Variants in MRC1 observed in about 807,000 individuals in gnomAD.
MRC1 encodes macrophage mannose receptor 1.
Under a neutral mutation model 102.9 loss-of-function variants are expected in MRC1, and 62 were observed. The ratio of observed to expected loss-of-function variants is 0.60; its 90% CI spans 0.49 to 0.74. The LOEUF (loss-of-function observed/expected upper bound fraction) is 0.74. Among genes scored for constraint, MRC1 ranks in the 30% least tolerant of loss-of-function variants. The pLI is 0.00. For missense variants in MRC1, 1,237 were observed against 862.8 expected (o/e 1.43, Z -5.43); for synonymous variants, 457 against 298.4 (o/e 1.53, Z -5.48).
chr10:17,878,659 C>T (rs1464352242), intron 18 of MRC1, among the ~76,000 whole-genome samples: 2 of 151,954 alleles, frequency 1.3e-5, no homozygotes, highest in Non-Finnish European at 2.9e-5. Flanking sequence ...AATTCAAGGT[C>T]ATTATTTTTA....
At chr10:17,826,113 T>A (rs1838470787) in intron 2 of MRC1, among the ~76,000 whole-genome samples, 1 of 152,210 alleles carries the variant, frequency 6.6e-6, no homozygotes, top group South Asian at 2.1e-4. Flanking sequence ...ATAACTCACA[T>A]TATTGTGCTC....
rs1833951482 is a variant in MRC1 at position 17,910,275 on chromosome 10, T to C, written c.4181T>C (p.Ile1394Thr). 3 of 780,778 alleles carry C rather than the reference T, an allele frequency of 3.8e-6. No homozygotes were observed. Among genetic ancestry groups the C allele is most frequent in the Admixed American group, 1.7e-5 (1 of 59,018 alleles). 48.4% of individuals were successfully genotyped at this position (780,778 alleles called of 1,614,324 possible). The change falls in exon 30 of 30, where the codon ATT becomes ACT. Residue 1394 changes from isoleucine to threonine, a missense_variant. By Grantham distance (89) the Ile-to-Thr change is moderately conservative. Transcript: ENST00000569591. ...PSSNVAGVVIIVILLILTGAG... is the reference protein window; with the variant it reads ...PSSNVAGVVITVILLILTGAG... Reference sequence around the variant, plus strand: ...TCCAACGTGGCCGGAGTAGTCATCATTGTGATCCTCCTGATTTTAACGGGT... The same window carrying C: ...TCCAACGTGGCCGGAGTAGTCATCACTGTGATCCTCCTGATTTTAACGGGT...
chr10:17,809,560 T>TG, intron 1 of MRC1, 34 bp downstream of exon 1: 1 of 871,988 alleles, frequency 1.1e-6, no homozygotes, highest in East Asian at 2.4e-5. Flanking sequence ...ATCTCTGACC[T>TG]GGGGGGCCGG....
rs1160018461 is a variant in MRC1 at position 17,813,682 on chromosome 10, T to TTATA, written c.61+4172_61+4175dup. 4.7e-3 allele frequency among the ~76,000 whole-genome samples: 580 copies of TTATA among 124,016 alleles called. 8 individuals carry two copies. The highest frequency in any genetic ancestry group is 0.015 in the African/African-American group (500 of 32,928). The allele number at this position is 124,016 out of a possible 152,430, so 81.4% of individuals were successfully genotyped here. A position where few individuals can be genotyped will look rare whatever the true frequency, so the allele number is the denominator to read the frequency against. Reference sequence around the variant, plus strand: ...ATATATACACACACACACACACACATTATATATATATATATATATTTTTTT... The same window carrying TTATA: ...ATATATACACACACACACACACACATTATATATATATATATATATATATTTTTTT... On this transcript the variant is annotated intron_variant, in intron 1 of 29. Coordinates refer to ENST00000569591, the MANE Select transcript of MRC1 (RefSeq NM_002438.4).
At chr10:17,824,027 C>A (rs2477633) in intron 2 of MRC1, among the ~76,000 whole-genome samples, 80,868 of 151,956 alleles carry the variant, frequency 0.53, 21,852 homozygotes, top group African/African-American at 0.6. Flanking sequence ...TATAAAATCT[C>A]TAGGATTAGC....
At chr10:17,876,265 T>C (rs1833435753) in intron 17 of MRC1, among the ~76,000 whole-genome samples, 1 of 149,940 alleles carries the variant, frequency 6.7e-6, no homozygotes, top group Non-Finnish European at 1.5e-5. Flanking sequence ...TTTTTTTTTC[T>C]GAGACAGTGT....
At chr10:17,886,599 A>G (rs1407113107) in intron 22 of MRC1, among the ~76,000 whole-genome samples, 3 of 152,096 alleles carry the variant, frequency 2.0e-5, no homozygotes, top group Non-Finnish European at 4.4e-5. Context: ...ATGGGCTTTT[A>G]CCATATTGGC....
intron 22 of MRC1, among the ~76,000 whole-genome samples, chr10:17,886,525 C>T (rs1833597822): frequency 6.6e-6 from 1 of 152,120 alleles, no homozygotes; most frequent in South Asian, 2.1e-4. Context: ...CCTCAGCCTC[C>T]CAAGTAGCTG....
chr10:17,821,810 A>G (rs1319566527), intron 1 of MRC1, among the ~76,000 whole-genome samples: 3 of 152,196 alleles, frequency 2.0e-5, no homozygotes, highest in Non-Finnish European at 2.9e-5. Context: ...ATTTCGCTGG[A>G]ATTATTTAAT....
chr10:17,868,065 A>G (rs1335673854), intron 12 of MRC1, among the ~76,000 whole-genome samples: 1 of 152,196 alleles, frequency 6.6e-6, no homozygotes, highest in Non-Finnish European at 1.5e-5. Context: ...CAGACAAAAA[A>G]AGAAACCCAG....
intron 17 of MRC1, among the ~76,000 whole-genome samples, chr10:17,876,183 G>A (rs1415619076): frequency 5.9e-5 from 9 of 152,042 alleles, no homozygotes; most frequent in Non-Finnish European, 1.0e-4. Context: ...AGAAGGAGGA[G>A]GTCATAACAC....
chr10:17,899,379 T>C (rs1833798918), intron 24 of MRC1, among the ~76,000 whole-genome samples: 1 of 152,238 alleles, frequency 6.6e-6, no homozygotes, highest in Non-Finnish European at 1.5e-5. Flanking sequence ...GATTCTCTTA[T>C]GAGTTTAAAG....
chr10:17,870,786 A>AT, intron 13 of MRC1, 62 bp from the exon 14 acceptor site: 1 of 861,104 alleles, frequency 1.2e-6, no homozygotes, highest in Non-Finnish European at 2.0e-6. Context: ...GTTAGTCCTC[A>AT]TAAGTTACTG....
rs951694269 is a variant in MRC1 at position 17,885,517 on chromosome 10, A to G, written c.3147+82A>G. The G allele has an allele frequency of 5.4e-6, 4 of 747,430 alleles. No individual in the cohort carries two copies. In the Admixed American group the frequency reaches 7.1e-5, roughly 13 times the overall value. The allele number at this position is 747,430 out of a possible 1,614,324, so 46.3% of individuals were successfully genotyped here. A position where few individuals can be genotyped will look rare whatever the true frequency, so the allele number is the denominator to read the frequency against. ...ATCTTATTGATTACTGTTCCATGAA[A>G]GAATCTACCAGAATACTCCTTGATC... is the stretch of plus-strand genomic sequence containing the variant. On this transcript the variant is annotated intron_variant, in intron 22 of 29. Coordinates refer to ENST00000569591, the MANE Select transcript of MRC1 (RefSeq NM_002438.4).
intron 1 of MRC1, 90 bp from the exon 2 acceptor site, chr10:17,822,984 C>T (rs1200518022): frequency 1.4e-6 from 1 of 740,028 alleles, no homozygotes; most frequent in African/African-American, 1.7e-5. Flanking sequence ...GAGTTGGAAA[C>T]TTTTGACCTA....
In MRC1 at chr10:17,881,191, C is replaced by T. The variant is rs1391348776; in HGVS notation, c.2980+10C>T. On this transcript the variant is annotated intron_variant, in intron 21 of 29. Transcript: ENST00000569591. ...AATGAAAAAGAGCAAGGTAGGCAGG[C>T]CATTTTGCAATTAGTTGTGTGTTTA... 1 of 779,270 alleles carries T rather than the reference C, an allele frequency of 1.3e-6. No individual in the cohort carries two copies. The highest frequency in any genetic ancestry group is 1.7e-5 in the African/African-American group (1 of 59,004). The allele number at this position is 779,270 out of a possible 1,614,324, so 48.3% of individuals were successfully genotyped here.
chr10:17,903,695 C>T (rs1235933939), intron 26 of MRC1, among the ~76,000 whole-genome samples: 1 of 151,998 alleles, frequency 6.6e-6, no homozygotes, highest in African/African-American at 2.4e-5. Flanking sequence ...TGCACCTGGC[C>T]TCCATTTTAA....
intron 22 of MRC1, among the ~76,000 whole-genome samples, chr10:17,886,744 A>G (rs1481377739): frequency 6.6e-6 from 1 of 152,202 alleles, no homozygotes; most frequent in Non-Finnish European, 1.5e-5. Context: ...AATTAGGGGA[A>G]CTTAGCAAAA....
At chr10:17,810,912 C>A (rs1470841743) in intron 1 of MRC1, among the ~76,000 whole-genome samples, 2 of 152,198 alleles carry the variant, frequency 1.3e-5, no homozygotes, top group Non-Finnish European at 2.9e-5. Flanking sequence ...CCTGCCTCGG[C>A]CTCCCAAGTA....
Sources: allele counts gnomAD v4.1 joint callset (sites outside exome capture counted in the v4.1 genomes callset), GRCh38; gene constraint gnomAD v4.1.1; transcripts MANE v1.5; gene names NCBI Gene and HGNC (gene_info 2026-07-23, HGNC 2026-07-21).